Variants in CPEB2 observed in about 807,000 individuals in gnomAD.
CPEB2 encodes the protein cytoplasmic polyadenylation element binding protein 2.
CPEB2 carries 56 observed loss-of-function variants against 93.6 expected under a neutral mutation model. The observed-to-expected ratio is 0.60, with a 90% CI of 0.48 to 0.75. The LOEUF is 0.75. CPEB2 is among the 30% of genes least tolerant of loss of function. The pLI, the probability that CPEB2 is intolerant of heterozygous loss-of-function variation, is 0.00. For synonymous variants in CPEB2, 764 were observed against 586.3 expected (o/e 1.30, Z -4.38); for missense variants, 1,579 against 1,395.1 (o/e 1.13, Z -2.10).
intron 6 of CPEB2, among the ~76,000 whole-genome samples, chr4:15,042,542 A>T (rs79549766): frequency 0.036 from 5,456 of 152,260 alleles, 321 homozygotes; most frequent in African/African-American, 0.12. Flanking sequence ...TATTTGGCTT[A>T]GCATAAGGGG....
chr4:15,050,279 C>T (rs1235286196), intron 6 of CPEB2, among the ~76,000 whole-genome samples: 1 of 152,080 alleles, frequency 6.6e-6, no homozygotes, highest in Non-Finnish European at 1.5e-5. Flanking sequence ...GTTGTGTGCT[C>T]CTTATGAGAA....
In CPEB2 at chr4:15,007,510, C is replaced by T. The variant is rs1353039544; in HGVS notation, c.1868C>T (p.Ser623Leu). The T allele has an allele frequency of 3.7e-6, 6 of 1,613,960 alleles. No individual in the cohort carries two copies. The highest frequency in any genetic ancestry group is 4.2e-6 in the Non-Finnish European group (5 of 1,179,836). ...CCGAAATTTACTCGCTCAACTCCAT[C>T]ACTGACTCCAAAATCTTGGATTGAA... ...APPKFTRSTP[S>L]LTPKSWIEDN... Residue 623 changes from serine (S) to leucine (L), a missense_variant, in exon 2 of 12, where the codon TCA becomes TTA. Ser to Leu is a moderately radical substitution (Grantham distance 145, BLOSUM62 -2). Around this residue, in one of 2 missense-constraint regions of CPEB2, gnomAD observed 1,411 missense variants for 1,056.0 expected, o/e 1.34. Coordinates refer to ENST00000538197, the MANE Select transcript of CPEB2 (RefSeq NM_001177382.2).
At chr4:15,029,969 C>A (rs538124264) in intron 4 of CPEB2, among the ~76,000 whole-genome samples, 1 of 152,048 alleles carries the variant, frequency 6.6e-6, no homozygotes, top group Non-Finnish European at 1.5e-5. Flanking sequence ...GGTACACTTA[C>A]CTACAAGAAG....
At chr4:15,017,141 G>GA (rs778804198) in intron 3 of CPEB2, 47 bp from the exon 4 acceptor site, 2 of 1,103,414 alleles carry the variant, frequency 1.8e-6, no homozygotes, top group South Asian at 1.3e-5. Flanking sequence ...ATCGCTTTTT[G>GA]AAAAAACTGC....
rs775539688 is a variant in CPEB2, at chr4:15,033,225, A to G, written c.2176+14A>G. 1.3e-6 allele frequency: 2 copies of G among 1,525,798 alleles called. No individual in the cohort carries two copies. Among genetic ancestry groups the G allele is most frequent in the East Asian group, 4.5e-5 (2 of 44,178 alleles). 94.5% of individuals were successfully genotyped at this position (1,525,798 alleles called of 1,614,324 possible). On this transcript the variant is annotated intron_variant, in intron 5 of 11. Coordinates refer to ENST00000538197, the MANE Select transcript of CPEB2 (RefSeq NM_001177382.2). ...TGATGTTAAATGGTAAGTTTTATAA[A>G]AACATTTTATGTTTCCAGTTGATTT... is the stretch of plus-strand genomic sequence containing the variant.
chr4:15,046,345 C>A (rs761057690), intron 6 of CPEB2, among the ~76,000 whole-genome samples: 1 of 152,236 alleles, frequency 6.6e-6, no homozygotes, highest in East Asian at 1.9e-4. Context: ...TCTGCCTCAG[C>A]CTTCTGAGTA....
chr4:15,061,955 C>G (rs1196077760), intron 10 of CPEB2, 124 bp from the exon 11 acceptor site: 1 of 872,450 alleles, frequency 1.1e-6, no homozygotes, highest in Non-Finnish European at 1.7e-6. Flanking sequence ...AGCCTCTTAT[C>G]TGCCATTCTA....
chr4:15,014,765 C>T (rs1474013333), intron 3 of CPEB2, among the ~76,000 whole-genome samples: 2 of 151,726 alleles, frequency 1.3e-5, no homozygotes, highest in Non-Finnish European at 2.9e-5. Context: ...TTAGATAGTC[C>T]CTATTCTTAA....
chr4:15,030,132 G>A (rs1041817957), intron 4 of CPEB2, among the ~76,000 whole-genome samples: 1 of 151,980 alleles, frequency 6.6e-6, no homozygotes, highest in African/African-American at 2.4e-5. Flanking sequence ...AAACAATAAG[G>A]AGAAATTAGT....
intron 4 of CPEB2, among the ~76,000 whole-genome samples, chr4:15,024,064 A>G (rs1725142314): frequency 1.3e-5 from 2 of 152,050 alleles, no homozygotes; most frequent in African/African-American, 4.8e-5. Flanking sequence ...TAGTTTTCTA[A>G]GTATTTATCA....
At chr4:15,049,444 G>C (rs1486672129) in intron 6 of CPEB2, among the ~76,000 whole-genome samples, 1 of 114,096 alleles carries the variant, frequency 8.8e-6, no homozygotes, top group Non-Finnish European at 2.0e-5. Flanking sequence ...ATTTGGATTT[G>C]TGATTTTTTT....
intron 4 of CPEB2, among the ~76,000 whole-genome samples, chr4:15,027,073 C>T (rs1014394542): frequency 3.3e-5 from 5 of 152,074 alleles, no homozygotes; most frequent in Non-Finnish European, 5.9e-5. Flanking sequence ...TGAATTAGTA[C>T]CACTCTTATA....
intron 5 of CPEB2, among the ~76,000 whole-genome samples, chr4:15,035,315 T>C (rs1726503238): frequency 6.6e-6 from 1 of 152,168 alleles, no homozygotes; most frequent in African/African-American, 2.4e-5. Flanking sequence ...TTTTTCTATC[T>C]GTGTAACCTT....
rs150779957 is a variant in CPEB2, at chr4:15,034,979, A to G, written c.2176+1768A>G. ...CTGGGAAATGTGAGAATTAAGTGAT[A>G]TTAGTGCTCCTGTACTAAGTATTTA... On this transcript the variant is annotated intron_variant, in intron 5 of 11. Transcript: ENST00000538197. 1.4e-3 allele frequency among the ~76,000 whole-genome samples: 210 copies of G among 152,314 alleles called. 1 individual carries two copies. Among genetic ancestry groups the G allele is most frequent in the Middle Eastern group, 0.014 (4 of 294 alleles).
intron 5 of CPEB2, among the ~76,000 whole-genome samples, chr4:15,037,959 A>G (rs762279270): frequency 1.3e-5 from 2 of 152,236 alleles, no homozygotes; most frequent in Non-Finnish European, 2.9e-5. Flanking sequence ...AGAAATTCAC[A>G]TAGAAATATT....
At chr4:15,038,168 C>T (rs886407150) in intron 5 of CPEB2, among the ~76,000 whole-genome samples, 2 of 152,142 alleles carry the variant, frequency 1.3e-5, no homozygotes, top group Admixed American at 6.5e-5. Context: ...TAAAATTCCT[C>T]AGGTATGAGA....
At chr4:15,038,574 T>C (rs1726860156) in intron 5 of CPEB2, among the ~76,000 whole-genome samples, 1 of 151,524 alleles carries the variant, frequency 6.6e-6, no homozygotes, top group Non-Finnish European at 1.5e-5. Flanking sequence ...TTCACTCTTC[T>C]GTAGTCTATT....
rs777435213 is a variant in CPEB2, at chr4:15,018,763, CT to C, written c.2125+1498del. On this transcript the variant is annotated intron_variant, in intron 4 of 11. Transcript: ENST00000538197. ...GTTTTTCATTGTTGTTTCTCCCAGT[CT>C]TTTTTTTTTTTTCAAAAGGCTTTTT... is the stretch of plus-strand genomic sequence containing the variant. 6.2e-3 allele frequency among the ~76,000 whole-genome samples: 829 copies of C among 133,718 alleles called. 4 individuals carry two copies. The highest frequency in any genetic ancestry group is 0.017 in the African/African-American group (645 of 36,910). The allele number at this position is 133,718 out of a possible 152,430, so 87.7% of individuals were successfully genotyped here.
chr4:15,014,779 A>G (rs914368244), intron 3 of CPEB2, among the ~76,000 whole-genome samples: 1 of 152,094 alleles, frequency 6.6e-6, no homozygotes, highest in African/African-American at 2.4e-5. Flanking sequence ...TTCTTAATCA[A>G]CTTAGAAGTT....
Sources: allele counts gnomAD v4.1 joint callset (sites outside exome capture counted in the v4.1 genomes callset), GRCh38; gene constraint gnomAD v4.1.1; regional missense constraint gnomAD v4.1.1; transcripts MANE v1.5; gene names NCBI Gene and HGNC (gene_info 2026-07-23, HGNC 2026-07-21).